Variants in HS2ST1 observed in about 807,000 individuals in gnomAD.
HS2ST1 encodes the protein 2-O-sulfotransferase.
Under a neutral mutation model 42.9 loss-of-function variants are expected in HS2ST1, and 18 were observed. That is an observed-to-expected ratio of 0.42 (90% CI 0.29 to 0.62). The LOEUF is 0.62. Among genes scored for constraint, HS2ST1 ranks in the 20% least tolerant of loss-of-function variants. The pLI, the probability that HS2ST1 is intolerant of heterozygous loss-of-function variation, is 0.21. For missense variants in HS2ST1, 334 were observed against 433.8 expected (o/e 0.77, Z 2.04); for synonymous variants, 146 against 152.9 (o/e 0.95, Z 0.33).
At chr1:87,034,007 A>G (rs559029216) in intron 1 of HS2ST1, among the ~76,000 whole-genome samples, 2 of 152,356 alleles carry the variant, frequency 1.3e-5, no homozygotes, top group African/African-American at 4.8e-5. Flanking sequence ...CAGACACAGT[A>G]GCTAACATAT....
chr1:87,044,581 C>T (rs991909182), intron 1 of HS2ST1, among the ~76,000 whole-genome samples: 1 of 152,136 alleles, frequency 6.6e-6, no homozygotes, highest in Non-Finnish European at 1.5e-5. Flanking sequence ...AAAATAAAGG[C>T]ATGATATTTA....
chr1:87,000,830 G>C (rs749819050), intron 1 of HS2ST1, among the ~76,000 whole-genome samples: 14 of 152,044 alleles, frequency 9.2e-5, no homozygotes, highest in Non-Finnish European at 1.9e-4. Flanking sequence ...CTGTTTTCTG[G>C]GTTATAACTA....
intron 1 of HS2ST1, among the ~76,000 whole-genome samples, chr1:86,918,952 T>A (rs901520948): frequency 2.3e-4 from 34 of 150,886 alleles, no homozygotes; most frequent in East Asian, 3.8e-4. Flanking sequence ...ATGTCTTTTT[T>A]AAATTTTTTT....
intron 1 of HS2ST1, among the ~76,000 whole-genome samples, chr1:86,985,469 TATATACAC>T (rs1570464955): frequency 4.1e-5 from 3 of 73,938 alleles, no homozygotes; most frequent in East Asian, 7.2e-4. Flanking sequence ...TATATACACA[TATATACAC>T]ATATATACAC....
At chr1:86,969,559 A>G (rs1190174597) in intron 1 of HS2ST1, among the ~76,000 whole-genome samples, 1 of 152,222 alleles carries the variant, frequency 6.6e-6, no homozygotes, top group Non-Finnish European at 1.5e-5. Context: ...ACACAGTTGT[A>G]TAGATGTTAC....
At chr1:87,056,754 T>C (rs1181177715) in intron 1 of HS2ST1, among the ~76,000 whole-genome samples, 1 of 152,202 alleles carries the variant, frequency 6.6e-6, no homozygotes, top group African/African-American at 2.4e-5. Flanking sequence ...TTGGAGGATC[T>C]GCATAACTCC....
At chr1:86,940,718 C>A (rs150301044) in intron 1 of HS2ST1, among the ~76,000 whole-genome samples, 2 of 152,288 alleles carry the variant, frequency 1.3e-5, no homozygotes, top group Non-Finnish European at 2.9e-5. Flanking sequence ...CGACTGGGCA[C>A]AGTGGCTTAC....
At chr1:87,034,970 G>A (rs1436437787) in intron 1 of HS2ST1, among the ~76,000 whole-genome samples, 1 of 152,204 alleles carries the variant, frequency 6.6e-6, no homozygotes, top group Non-Finnish European at 1.5e-5. Context: ...AGGGAGGCAA[G>A]AGAATCAGAG....
At chr1:87,051,180 A>G (rs1254377128) in intron 1 of HS2ST1, among the ~76,000 whole-genome samples, 1 of 151,626 alleles carries the variant, frequency 6.6e-6, no homozygotes, top group Non-Finnish European at 1.5e-5. Flanking sequence ...TAAACAAGTT[A>G]TGCTCTCCTC....
chr1:87,097,433 C>G (rs954275315), intron 4 of HS2ST1, among the ~76,000 whole-genome samples: 1 of 152,022 alleles, frequency 6.6e-6, no homozygotes, highest in Non-Finnish European at 1.5e-5. Flanking sequence ...CTTGCTCTGT[C>G]GCCAGGCTGG....
intron 3 of HS2ST1, 80 bp downstream of exon 3, chr1:87,084,359 A>G (rs1020280254): frequency 1.8e-5 from 14 of 795,964 alleles, no homozygotes; most frequent in Middle Eastern, 2.6e-4. Flanking sequence ...TTAAATTGTT[A>G]TGATTTTCTA....
intron 1 of HS2ST1, among the ~76,000 whole-genome samples, chr1:86,958,950 T>C (rs1259133358): frequency 6.6e-6 from 1 of 152,216 alleles, no homozygotes; most frequent in Non-Finnish European, 1.5e-5. Context: ...AATCAATTCA[T>C]GTAATCGATC....
At chr1:87,061,347 C>T (rs1271208819) in intron 1 of HS2ST1, among the ~76,000 whole-genome samples, 3 of 151,954 alleles carry the variant, frequency 2.0e-5, no homozygotes, top group Non-Finnish European at 4.4e-5. Context: ...CTATCTAGTT[C>T]CAAAACATTA....
At chr1:87,015,698 G>A (rs894719439) in intron 1 of HS2ST1, among the ~76,000 whole-genome samples, 1 of 152,074 alleles carries the variant, frequency 6.6e-6, no homozygotes, top group Non-Finnish European at 1.5e-5. Flanking sequence ...GGAAGAAAAT[G>A]CCATAAGGTG....
At chr1:87,036,517 A>C (rs1484473593) in intron 1 of HS2ST1, among the ~76,000 whole-genome samples, 1 of 152,190 alleles carries the variant, frequency 6.6e-6, no homozygotes, top group Non-Finnish European at 1.5e-5. Context: ...GGATATTCCA[A>C]GTGAAATGAA....
At chr1:86,929,017 A>G (rs1258154174) in intron 1 of HS2ST1, among the ~76,000 whole-genome samples, 1 of 151,898 alleles carries the variant, frequency 6.6e-6, no homozygotes, top group Non-Finnish European at 1.5e-5. Flanking sequence ...CTGAACCTTC[A>G]TTTAGACAAT....
At chr1:87,098,369 ATGGCTG>A in intron 5 of HS2ST1, 1 of 968,498 alleles carries the variant, frequency 1.0e-6, no homozygotes, top group Non-Finnish European at 1.2e-6. Context: ...AGCCAAGGTT[ATGGCTG>A]TGGTTTAGTT....
intron 1 of HS2ST1, among the ~76,000 whole-genome samples, chr1:86,949,667 T>C (rs1647445157): frequency 6.6e-6 from 1 of 152,246 alleles, no homozygotes; most frequent in Non-Finnish European, 1.5e-5. Flanking sequence ...TTCTGCTCTT[T>C]GGTTCTATTA....
intron 1 of HS2ST1, among the ~76,000 whole-genome samples, chr1:87,014,214 A>C (rs919008061): frequency 2.0e-5 from 3 of 152,234 alleles, no homozygotes; most frequent in Non-Finnish European, 4.4e-5. Context: ...TTATAAAGGA[A>C]AGAGGTTTAA....
Sources: gnomAD v4.1 joint callset for allele counts (sites outside exome capture counted in the v4.1 genomes callset) on GRCh38, gnomAD v4.1.1 for gene constraint, MANE v1.5 for transcripts, NCBI Gene and HGNC (gene_info 2026-07-23, HGNC 2026-07-21) for gene names.